Variants in RALY observed in about 807,000 individuals in gnomAD.
The protein encoded by RALY is RALY heterogeneous nuclear ribonucleoprotein, also known as RNA-binding protein Raly.
In RALY, 15 loss-of-function variants were observed where a neutral mutation model predicts 30.7. The observed-to-expected ratio is 0.49, with a 90% confidence interval of 0.33 to 0.75. The LOEUF (loss-of-function observed/expected upper bound fraction) is 0.75, where lower values mean the gene tolerates loss of function less well. Among genes scored for constraint, RALY ranks in the 30% least tolerant of loss-of-function variants. The pLI, the probability that RALY is intolerant of heterozygous loss-of-function variation, is 0.02. For missense variants in RALY, 339 were observed against 414.3 expected (o/e 0.82, Z 1.58); for synonymous variants, 177 against 170.8 (o/e 1.04, Z -0.28).
chr20:34,021,981 CTGGCCTCCCAAAGTGATCCTTCCACCT>C (rs1028421081), intron 1 of RALY, among the ~76,000 whole-genome samples: 2 of 151,486 alleles, frequency 1.3e-5, no homozygotes, highest in Non-Finnish European at 1.5e-5. Context: ...TCCTCAACTC[CTGGCCTCCCAAAGTGATCCTTCCACCT>C]TGGCCTCCCA....
chr20:34,077,048 G>A lies in RALY; in HGVS notation c.679G>A (p.Gly227Arg). Reference protein sequence around the residue: ...ANPDGKKKGDGGGAGGGGGGG... With the variant: ...ANPDGKKKGDRGGAGGGGGGG... ...TCAAGATGGCAAGAAGAAGGGTGAT[G>A]GAGGTGGCGCCGGCGGCGGCGGCGG... is the stretch of plus-strand genomic sequence containing the variant. The change falls in exon 8 of 10, where the codon GGA (glycine) becomes AGA (arginine). Residue 227 changes from glycine to arginine, a missense_variant. Coordinates refer to ENST00000246194, the MANE Select transcript of RALY (RefSeq NM_016732.3). 1 of 1,575,674 alleles carries A rather than the reference G, an allele frequency of 6.3e-7. No individual in the cohort carries two copies. The highest frequency in any genetic ancestry group is 8.6e-7 in the Non-Finnish European group (1 of 1,168,734).
chr20:34,017,680 T>TTTC (rs2031661083), intron 1 of RALY: 1 of 152,404 alleles, frequency 6.6e-6, no homozygotes, highest in South Asian at 2.1e-4. Flanking sequence ...GTCAGGTTTC[T>TTTC]GAACTGGCCT....
intron 1 of RALY, among the ~76,000 whole-genome samples, chr20:34,025,169 C>G (rs370155882): frequency 1.2e-4 from 18 of 152,294 alleles, no homozygotes; most frequent in East Asian, 9.6e-4. Context: ...GAGCCTGGAG[C>G]CATTAGGCTG....
chr20:34,021,952 G>C (rs2031841469), intron 1 of RALY, among the ~76,000 whole-genome samples: 1 of 150,522 alleles, frequency 6.6e-6, no homozygotes, highest in Non-Finnish European at 1.5e-5. Flanking sequence ...GACGGGTCTT[G>C]CTCTGTTGCC....
In RALY at chr20:33,993,955, G is replaced by A. The variant is rs1051966066; in HGVS notation, c.-269G>A. 2.6e-5 allele frequency: 4 copies of A among 152,044 alleles called. No individual in the cohort carries two copies. The highest frequency in any genetic ancestry group is 9.7e-5 in the African/African-American group (4 of 41,436). 9.4% of individuals were successfully genotyped at this position (152,044 alleles called of 1,614,324 possible). On this transcript the variant is annotated 5_prime_UTR_variant, in exon 1 of 10. Transcript: ENST00000246194. ...CGAGCGGCGCCAGCTCGGGGCAGCG[G>A]AACCCAGAGAAGCTGAGGGGGCGGT...
chr20:34,076,657 C>G lies in RALY; in HGVS notation c.545-45C>G. On this transcript the variant is annotated intron_variant, in intron 6 of 9. Coordinates refer to ENST00000246194, the MANE Select transcript of RALY (RefSeq NM_016732.3). ...GCTGAGGTTTTGTGCTAGTGTCAAG[C>G]CTCCAGCCCCCTAGGTGACAGCCCT... 2.0e-6 allele frequency: 3 copies of G among 1,524,192 alleles called. No individual in the cohort carries two copies. In the African/African-American group the frequency reaches 4.1e-5, roughly 21 times the overall value. 94.4% of individuals were successfully genotyped at this position (1,524,192 alleles called of 1,614,324 possible).
chr20:34,061,653 G>A (rs2033420892), intron 2 of RALY, among the ~76,000 whole-genome samples: 1 of 152,112 alleles, frequency 6.6e-6, no homozygotes, highest in African/African-American at 2.4e-5. Flanking sequence ...TACTGTTTTG[G>A]GGATTATTTG....
chr20:34,076,412 T>G (rs2033879022), intron 6 of RALY, among the ~76,000 whole-genome samples: 1 of 152,174 alleles, frequency 6.6e-6, no homozygotes, highest in Non-Finnish European at 1.5e-5. Flanking sequence ...CTTGCTCAGG[T>G]GCACACAGAA....
chr20:34,046,959 A>G (rs974290392), intron 2 of RALY, among the ~76,000 whole-genome samples: 1 of 151,632 alleles, frequency 6.6e-6, no homozygotes, highest in African/African-American at 2.4e-5. Context: ...AGCTGGGATT[A>G]TAGGCATGTG....
chr20:33,999,577 T>G (rs531723283), intron 1 of RALY, among the ~76,000 whole-genome samples: 2 of 152,292 alleles, frequency 1.3e-5, no homozygotes, highest in South Asian at 4.2e-4. Context: ...CACTGGTCTT[T>G]TCGTGTACTA....
chr20:34,083,955 A>G lies in RALY; in HGVS notation c.*4050A>G, dbSNP rs1240435239. ...ATAATAAACTTCCTCCATAACAGTA[A>G]ACCATTTCCTGAACACCTGCTGTTA... On this transcript the variant is annotated 3_prime_UTR_variant, in exon 10 of 10. Transcript: ENST00000246194. 2 of 152,216 alleles carry G rather than the reference A, an allele frequency of 1.3e-5. No homozygotes were observed. The highest frequency in any genetic ancestry group is 4.8e-5 in the African/African-American group (2 of 41,448). 9.4% of individuals were successfully genotyped at this position (152,216 alleles called of 1,614,324 possible). A position where few individuals can be genotyped will look rare whatever the true frequency, so the allele number is the denominator to read the frequency against.
At chr20:33,997,470 C>G (rs2030695457) in intron 1 of RALY, among the ~76,000 whole-genome samples, 1 of 152,118 alleles carries the variant, frequency 6.6e-6, no homozygotes, top group Non-Finnish European at 1.5e-5. Flanking sequence ...TTGTTTGCAC[C>G]TGCCCTTCTG....
chr20:34,019,660 C>T (rs990165157), intron 1 of RALY, among the ~76,000 whole-genome samples: 1 of 152,160 alleles, frequency 6.6e-6, no homozygotes, highest in Admixed American at 6.5e-5. Flanking sequence ...AAGACACAGT[C>T]CCTGCTCTTG....
Position 34,073,653 on chromosome 20 carries a change from T to A in RALY, c.329+18T>A. The A allele has an allele frequency of 3.8e-6, 6 of 1,566,154 alleles. No individual in the cohort carries two copies. The highest frequency in any genetic ancestry group is 4.4e-6 in the Non-Finnish European group (5 of 1,136,422). On this transcript the variant is annotated intron_variant, in intron 4 of 9. Transcript: ENST00000246194. ...ATATACAGGTGGGGCTGTCTGACTGTCTGTCTGTCTGGTGGGATGACTCTC... is the reference window on the plus strand; with the variant it reads ...ATATACAGGTGGGGCTGTCTGACTGACTGTCTGTCTGGTGGGATGACTCTC...
At chr20:33,998,579 C>T (rs2030752626) in intron 1 of RALY, among the ~76,000 whole-genome samples, 1 of 152,068 alleles carries the variant, frequency 6.6e-6, no homozygotes, top group African/African-American at 2.4e-5. Flanking sequence ...AGACAGGAGA[C>T]TTTCAAGGTA....
chr20:34,034,154 C>T (rs1318255435), intron 2 of RALY, among the ~76,000 whole-genome samples: 2 of 152,212 alleles, frequency 1.3e-5, no homozygotes, highest in East Asian at 3.8e-4. Context: ...CCTAGGTTCC[C>T]TGCCTGCCTC....
rs1315696449 is a variant in RALY at position 34,019,588 on chromosome 20, G to T, written c.-92-11934G>T. Among the ~76,000 whole-genome samples, 3 of 152,330 alleles carry T rather than the reference G, an allele frequency of 2.0e-5. No individual in the cohort carries two copies. In the South Asian group the frequency reaches 6.2e-4, roughly 32 times the overall value. On this transcript the variant is annotated intron_variant, in intron 1 of 9. Coordinates refer to ENST00000246194, the MANE Select transcript of RALY (RefSeq NM_016732.3). ...TTCTAGTAATCTACTCAGCTTAGAA[G>T]CCTGTTCAGTAGGCAGACACTGGGT...
At position 34,064,660 on chromosome 20, in the gene RALY, G is replaced by T. The variant is rs142780824; in HGVS notation, c.-9-7406G>T. ...ACTCCCTTACTCTCAGGCAAAGTGT[G>T]ATGCACAGGGAGATGACATAGTAAA... On this transcript the variant is annotated intron_variant, in intron 2 of 9. Transcript: ENST00000246194. Among the ~76,000 whole-genome samples, 580 of 152,324 alleles carry T rather than the reference G, an allele frequency of 3.8e-3. 6 individuals are homozygous for T. Among genetic ancestry groups the T allele is most frequent in the African/African-American group, 0.012 (518 of 41,568 alleles).
chr20:34,031,973 GT>G (rs1463307434), intron 2 of RALY, among the ~76,000 whole-genome samples: 4 of 152,076 alleles, frequency 2.6e-5, no homozygotes, highest in Non-Finnish European at 5.9e-5. Flanking sequence ...TTAGAGACTT[GT>G]TTTTTGAGAT....
Sources: allele counts gnomAD v4.1 joint callset (sites outside exome capture counted in the v4.1 genomes callset), GRCh38; gene constraint gnomAD v4.1.1; transcripts MANE v1.5; gene names NCBI Gene and HGNC (gene_info 2026-07-23, HGNC 2026-07-21).